Variants in SCFD2 observed in about 807,000 individuals in gnomAD.
The protein encoded by SCFD2 is sec1 family domain containing 2, also known as sec1 family domain-containing protein 2.
SCFD2 carries 54 observed loss-of-function variants against 58.9 expected under a neutral mutation model. The observed-to-expected ratio is 0.92, with a 90% CI of 0.74 to 1.15. The LOEUF (loss-of-function observed/expected upper bound fraction) is 1.15. SCFD2 is among the 50% of genes most tolerant of loss of function. The pLI is 0.00. For synonymous variants in SCFD2, 321 were observed against 335.9 expected (o/e 0.96, Z 0.49); for missense variants, 805 against 836.6 (o/e 0.96, Z 0.47).
At position 52,885,886 on chromosome 4, in the gene SCFD2, C is replaced by T. The variant is rs1050333435; in HGVS notation, c.1843-20G>A. The T allele has an allele frequency of 2.5e-6, 4 of 1,613,496 alleles. No individual in the cohort carries two copies. Among genetic ancestry groups the T allele is most frequent in the Non-Finnish European group, 2.5e-6 (3 of 1,179,640 alleles). ...GCTCACCTGCAAAACAAAACACCAGCAATATCAGATGGATGGCAGTGATGC... is the reference window on the plus strand; with the variant it reads ...GCTCACCTGCAAAACAAAACACCAGTAATATCAGATGGATGGCAGTGATGC... On this transcript the variant is annotated intron_variant, in intron 7 of 8. Transcript: ENST00000401642.
At chr4:52,990,415 G>A (rs61349657) in intron 5 of SCFD2, among the ~76,000 whole-genome samples, 3,085 of 152,242 alleles carry the variant, frequency 0.02, 116 homozygotes, top group African/African-American at 0.071. Flanking sequence ...AGTATTTAAA[G>A]TGAATTATCT....
intron 5 of SCFD2, among the ~76,000 whole-genome samples, chr4:53,063,028 C>T (rs906203756): frequency 6.6e-6 from 1 of 152,082 alleles, no homozygotes; most frequent in Non-Finnish European, 1.5e-5. Flanking sequence ...GAGTTCTTTT[C>T]ACATTCAGAT....
At chr4:52,893,320 C>G (rs1433449347) in intron 7 of SCFD2, among the ~76,000 whole-genome samples, 1 of 152,144 alleles carries the variant, frequency 6.6e-6, no homozygotes, top group African/African-American at 2.4e-5. Context: ...ATCCTCCTGC[C>G]TCAGCCTCCC....
intron 5 of SCFD2, among the ~76,000 whole-genome samples, chr4:52,943,283 T>C (rs1720339501): frequency 6.6e-6 from 1 of 152,076 alleles, no homozygotes; most frequent in Admixed American, 6.6e-5. Context: ...CTGTTAAAGA[T>C]AGGCATTAAG....
At chr4:53,314,621 T>A (rs754864428) in intron 2 of SCFD2, among the ~76,000 whole-genome samples, 79 of 152,366 alleles carry the variant, frequency 5.2e-4, no homozygotes, top group Admixed American at 1.0e-3. Flanking sequence ...CTCACTCTCC[T>A]ACTATCCACT....
chr4:53,325,847 A>C (rs1051066134), intron 2 of SCFD2, among the ~76,000 whole-genome samples: 1 of 152,172 alleles, frequency 6.6e-6, no homozygotes, highest in Non-Finnish European at 1.5e-5. Context: ...CACTTTGTCC[A>C]GTTTTTTTTA....
At chr4:53,016,724 A>G (rs1246708377) in intron 5 of SCFD2, among the ~76,000 whole-genome samples, 1 of 152,174 alleles carries the variant, frequency 6.6e-6, no homozygotes, top group Non-Finnish European at 1.5e-5. Context: ...GTTTTAACTG[A>G]GCTTGTAGGG....
chr4:53,320,471 G>C (rs548278854), intron 2 of SCFD2, among the ~76,000 whole-genome samples: 20 of 152,236 alleles, frequency 1.3e-4, no homozygotes, highest in African/African-American at 4.1e-4. Context: ...ACAAAAATTA[G>C]CTGGGCATGG....
chr4:53,002,067 C>CTTGG (rs1184309214), intron 5 of SCFD2, among the ~76,000 whole-genome samples: 1 of 152,068 alleles, frequency 6.6e-6, no homozygotes, highest in African/African-American at 2.4e-5. Context: ...AATCTGACAG[C>CTTGG]TTGGTCATGG....
chr4:53,227,660 C>T (rs1186274942), intron 4 of SCFD2, among the ~76,000 whole-genome samples: 1 of 152,058 alleles, frequency 6.6e-6, no homozygotes, highest in Admixed American at 6.6e-5. Context: ...ATATGATTCA[C>T]CCATCAGTCA....
chr4:53,174,495 A>C (rs907005711), intron 4 of SCFD2, among the ~76,000 whole-genome samples: 8 of 152,192 alleles, frequency 5.3e-5, no homozygotes, highest in African/African-American at 1.9e-4. Context: ...CAGATGTATC[A>C]ATAGCAACAA....
chr4:53,267,185 G>A (rs1264356431), intron 4 of SCFD2, among the ~76,000 whole-genome samples: 1 of 152,006 alleles, frequency 6.6e-6, no homozygotes, highest in Non-Finnish European at 1.5e-5. Context: ...GGTAGAAAGT[G>A]GTGGAAATGA....
intron 5 of SCFD2, among the ~76,000 whole-genome samples, chr4:52,923,183 G>GA (rs899918952): frequency 6.6e-6 from 1 of 151,848 alleles, no homozygotes; most frequent in African/African-American, 2.4e-5. Context: ...CCATTGCCAT[G>GA]AAAAAAAATC....
intron 4 of SCFD2, among the ~76,000 whole-genome samples, chr4:53,246,741 A>C (rs569265841): frequency 1.3e-5 from 2 of 152,282 alleles, no homozygotes; most frequent in African/African-American, 4.8e-5. Flanking sequence ...AAACTATAAA[A>C]ACCCTGGAAG....
At chr4:53,174,978 T>C (rs1727285748) in intron 4 of SCFD2, among the ~76,000 whole-genome samples, 1 of 152,186 alleles carries the variant, frequency 6.6e-6, no homozygotes, top group Non-Finnish European at 1.5e-5. Context: ...CAGCTCCATA[T>C]TGACTATAGA....
chr4:52,945,715 G>A (rs934009207), intron 5 of SCFD2: 4 of 152,150 alleles, frequency 2.6e-5, no homozygotes, highest in Non-Finnish European at 5.9e-5. Context: ...AGCGGCTTCA[G>A]TTATCAGATA....
At chr4:52,961,565 G>A (rs375977460) in intron 5 of SCFD2, among the ~76,000 whole-genome samples, 105 of 152,224 alleles carry the variant, frequency 6.9e-4, no homozygotes, top group African/African-American at 2.5e-3. Context: ...GGGAAAACCA[G>A]CCTCCCTGGT....
At chr4:52,906,162 T>C (rs1473547120) in intron 7 of SCFD2, among the ~76,000 whole-genome samples, 1 of 152,142 alleles carries the variant, frequency 6.6e-6, no homozygotes, top group African/African-American at 2.4e-5. Context: ...AGCCTTCATT[T>C]GTACCCTTGG....
intron 4 of SCFD2, among the ~76,000 whole-genome samples, chr4:53,251,460 T>C (rs1172152650): frequency 1.3e-5 from 2 of 152,158 alleles, no homozygotes; most frequent in East Asian, 3.8e-4. Flanking sequence ...ATATCCTTGA[T>C]GAACATTGAT....
Sources: gnomAD v4.1 joint callset for allele counts (sites outside exome capture counted in the v4.1 genomes callset) on GRCh38, gnomAD v4.1.1 for gene constraint, MANE v1.5 for transcripts, NCBI Gene and HGNC (gene_info 2026-07-23, HGNC 2026-07-21) for gene names.